The following AKAP6 variants were observed in gnomAD, a reference collection of about 807,000 sequenced individuals.
AKAP6 encodes A-kinase anchor protein 6.
In AKAP6, 58 loss-of-function variants were observed where a neutral mutation model predicts 188.5. The observed-to-expected ratio is 0.31, with a 90% CI of 0.25 to 0.38. The LOEUF (loss-of-function observed/expected upper bound fraction) is 0.38, where lower values mean the gene tolerates loss of function less well. Ranked by LOEUF, AKAP6 falls within the 10% of genes least tolerant of loss-of-function variation. AKAP6 has a pLI of 1.00. For missense variants in AKAP6, 2,710 were observed against 2,740.0 expected (o/e 0.99, Z 0.24); for synonymous variants, 989 against 998.6 (o/e 0.99, Z 0.18).
At chr14:32,683,287 C>T (rs1889774174) in intron 8 of AKAP6, among the ~76,000 whole-genome samples, 1 of 152,136 alleles carries the variant, frequency 6.6e-6, no homozygotes, top group Non-Finnish European at 1.5e-5. Context: ...AGCCACCGCA[C>T]CCAGCCCCTC....
At chr14:32,463,280 A>G (rs1891414766) in intron 2 of AKAP6, among the ~76,000 whole-genome samples, 1 of 152,182 alleles carries the variant, frequency 6.6e-6, no homozygotes, top group South Asian at 2.1e-4. Flanking sequence ...TCTCCACCCC[A>G]AATCAACAGA....
intron 2 of AKAP6, among the ~76,000 whole-genome samples, chr14:32,459,170 G>C (rs1437421629): frequency 6.6e-6 from 1 of 152,136 alleles, no homozygotes; most frequent in Non-Finnish European, 1.5e-5. Flanking sequence ...CATTCTAAAA[G>C]ATGGCAAAAC....
intron 1 of AKAP6, among the ~76,000 whole-genome samples, chr14:32,395,701 A>C (rs1057213037): frequency 6.6e-6 from 1 of 151,980 alleles, no homozygotes; most frequent in African/African-American, 2.4e-5. Context: ...ACTTACACTT[A>C]TTTTTCCCCC....
At position 32,434,694 on chromosome 14, in the gene AKAP6, A is replaced by G. The variant is rs139406294; in HGVS notation, c.324+877A>G. 3.2e-3 allele frequency among the ~76,000 whole-genome samples: 485 copies of G among 152,372 alleles called. 3 individuals carry two copies. Among genetic ancestry groups the G allele is most frequent in the African/African-American group, 0.01 (429 of 41,580 alleles). Reference sequence around the variant, plus strand: ...CTAAATAATCTGAAATGAAAGGTCAAACATTCTTGGATCTTAACACTTAAA... The same window carrying G: ...CTAAATAATCTGAAATGAAAGGTCAGACATTCTTGGATCTTAACACTTAAA... On this transcript the variant is annotated intron_variant, in intron 2 of 13. Transcript: ENST00000280979.
chr14:32,766,070 A>G (rs1265035624), intron 11 of AKAP6, among the ~76,000 whole-genome samples: 7 of 152,002 alleles, frequency 4.6e-5, no homozygotes, highest in African/African-American at 1.4e-4. Context: ...GTTTCTATGT[A>G]TTTGCCTATT....
At chr14:32,360,652 C>A (rs185229471) in intron 1 of AKAP6, among the ~76,000 whole-genome samples, 240 of 150,672 alleles carry the variant, frequency 1.6e-3, no homozygotes, top group African/African-American at 5.5e-3. Flanking sequence ...AATTATAATC[C>A]AATACTATGG....
chr14:32,782,249 C>T (rs972038574), intron 12 of AKAP6, among the ~76,000 whole-genome samples: 1 of 151,444 alleles, frequency 6.6e-6, no homozygotes, highest in Non-Finnish European at 1.5e-5. Context: ...AAGAAAAGAC[C>T]TAAGGAAAAA....
intron 7 of AKAP6, among the ~76,000 whole-genome samples, chr14:32,611,009 T>C (rs1009444429): frequency 6.6e-6 from 1 of 151,994 alleles, no homozygotes; most frequent in African/African-American, 2.4e-5. Context: ...GAACTGAAAG[T>C]CAAGACAATG....
chr14:32,650,234 C>T (rs1237158887), intron 7 of AKAP6, among the ~76,000 whole-genome samples: 1 of 152,160 alleles, frequency 6.6e-6, no homozygotes, highest in Non-Finnish European at 1.5e-5. Flanking sequence ...CCCTAATTCA[C>T]CTTAGCTGTG....
chr14:32,519,828 G>A (rs1039200384), intron 2 of AKAP6, among the ~76,000 whole-genome samples: 7 of 152,114 alleles, frequency 4.6e-5, no homozygotes, highest in Non-Finnish European at 1.0e-4. Flanking sequence ...ATTCAACTCA[G>A]CTCTGCACCA....
chr14:32,530,326 C>T (rs964160872), intron 2 of AKAP6, among the ~76,000 whole-genome samples: 4 of 152,138 alleles, frequency 2.6e-5, no homozygotes, highest in Admixed American at 2.6e-4. Context: ...CTCACCCAGA[C>T]ATTAGGGGAA....
intron 2 of AKAP6, among the ~76,000 whole-genome samples, chr14:32,475,681 T>C (rs971354303): frequency 0.012 from 1,687 of 146,604 alleles, 14 homozygotes; most frequent in East Asian, 0.026. Flanking sequence ...TTCAGCTCTT[T>C]TTTTTTTTTT....
intron 7 of AKAP6, among the ~76,000 whole-genome samples, chr14:32,644,171 A>T (rs553194396): frequency 3.9e-5 from 6 of 152,298 alleles, no homozygotes; most frequent in Non-Finnish European, 8.8e-5. Context: ...ACTATTTGCC[A>T]CAGAATGATA....
intron 11 of AKAP6, among the ~76,000 whole-genome samples, chr14:32,762,135 CT>C (rs2032560869): frequency 6.6e-6 from 1 of 152,050 alleles, no homozygotes; most frequent in Admixed American, 6.5e-5. Context: ...CTTTTTCCCC[CT>C]ACTACTAAAA....
chr14:32,580,799 C>T (rs1393955296), intron 5 of AKAP6, among the ~76,000 whole-genome samples: 4 of 151,966 alleles, frequency 2.6e-5, no homozygotes, highest in East Asian at 1.9e-4. Context: ...TGACAACATG[C>T]GGTGTTCGTT....
intron 7 of AKAP6, among the ~76,000 whole-genome samples, chr14:32,623,255 T>C (rs1886886319): frequency 1.3e-5 from 2 of 152,192 alleles, no homozygotes; most frequent in Non-Finnish European, 1.5e-5. Context: ...AAATCATTAT[T>C]ATGATACTTC....
At chr14:32,769,910 TATA>T (rs1450077859) in intron 11 of AKAP6, among the ~76,000 whole-genome samples, 1 of 152,208 alleles carries the variant, frequency 6.6e-6, no homozygotes, top group East Asian at 1.9e-4. Context: ...TACAAGTAAA[TATA>T]AGTAAATATC....
chr14:32,560,329 G>A (rs139675140), intron 4 of AKAP6, among the ~76,000 whole-genome samples: 4 of 152,288 alleles, frequency 2.6e-5, no homozygotes, highest in Admixed American at 2.6e-4. Context: ...GGTTGGTCCA[G>A]AAGAACCGTA....
intron 11 of AKAP6, among the ~76,000 whole-genome samples, chr14:32,769,884 A>G (rs964668893): frequency 6.6e-6 from 1 of 152,142 alleles, no homozygotes; most frequent in Non-Finnish European, 1.5e-5. Flanking sequence ...ATGACATTCA[A>G]TGTCAAGTAT....
Sources: allele counts gnomAD v4.1 joint callset (sites outside exome capture counted in the v4.1 genomes callset), GRCh38; gene constraint gnomAD v4.1.1; transcripts MANE v1.5; gene names NCBI Gene and HGNC (gene_info 2026-07-23, HGNC 2026-07-21).